The following NR2C2 variants were observed in gnomAD, a reference collection of about 807,000 sequenced individuals.
NR2C2 encodes the protein nuclear receptor subfamily 2 group C member 2.
Under a neutral mutation model 62.9 loss-of-function variants are expected in NR2C2, and 6 were observed. The observed-to-expected ratio is 0.10, with a 90% confidence interval of 0.05 to 0.19. NR2C2 has a LOEUF of 0.19. Ranked by LOEUF, NR2C2 falls within the 10% of genes least tolerant of loss-of-function variation. The probability of loss-of-function intolerance (pLI) is 1.00; values close to 1 mark genes in which losing one functional copy is unlikely to be tolerated. For missense variants in NR2C2, 479 were observed against 762.7 expected, an observed-to-expected ratio of 0.63 and a Z score of 4.38; for synonymous variants, 272 against 273.8, an observed-to-expected ratio of 0.99 and a Z score of 0.07.
chr3:15,025,795 G>A (rs1005457710), intron 7 of NR2C2: 1 of 152,136 alleles, frequency 6.6e-6, no homozygotes, highest in African/African-American at 2.4e-5. Flanking sequence ...GTATTGTTCT[G>A]TCTTTTTTAT....
At chr3:15,023,161 TTGTTTCTCTAAAC>T in intron 5 of NR2C2, 26 bp from the exon 6 acceptor site, 2 of 1,607,592 alleles carry the variant, frequency 1.2e-6, no homozygotes, top group Non-Finnish European at 1.7e-6. Context: ...TTGATTGGAA[TTGTTTCTCTAAAC>T]ACAAATATTT....
At position 15,048,726 on chromosome 3, in the gene NR2C2, C is replaced by T. The variant is rs180696818; in HGVS notation, c.*5718C>T. ...ATTTTTCTACAGTCTCTCTGTTCTA[C>T]GGATTATCTTGTAAACCAGTGTTCA... On this transcript the variant is annotated 3_prime_UTR_variant, in exon 14 of 14. Coordinates refer to ENST00000425241, the MANE Select transcript of NR2C2 (RefSeq NM_001291694.2). 128 of 152,744 alleles carry T rather than the reference C, an allele frequency of 8.4e-4. 2 individuals are homozygous for T. The highest frequency in any genetic ancestry group is 2.7e-3 in the African/African-American group (113 of 41,556). 9.5% of individuals were successfully genotyped at this position (152,744 alleles called of 1,614,324 possible).
intron 1 of NR2C2, among the ~76,000 whole-genome samples, chr3:14,957,070 A>G (rs976504109): frequency 6.6e-6 from 1 of 152,236 alleles, no homozygotes; most frequent in Non-Finnish European, 1.5e-5. Context: ...AATCTTCACT[A>G]TAACCTCATA....
chr3:15,039,997 A>T lies in NR2C2; in HGVS notation c.1616+770A>T, dbSNP rs189278675. On this transcript the variant is annotated intron_variant, in intron 13 of 13. Transcript: ENST00000425241. ...AACCCCGTCTCTACTAAAAATATTT[A>T]AAAAAAAATTAGCCAGGCACGGTGG... Among the ~76,000 whole-genome samples the T allele has an allele frequency of 6.2e-3, 925 of 149,930 alleles. 10 individuals carry two copies. The highest frequency in any genetic ancestry group is 0.02 in the African/African-American group (825 of 40,618).
chr3:14,997,738 A>G (rs909782169), intron 1 of NR2C2, among the ~76,000 whole-genome samples: 1 of 152,236 alleles, frequency 6.6e-6, no homozygotes, highest in African/African-American at 2.4e-5. Context: ...TGAAAGAAAA[A>G]AAAATTTAAT....
At chr3:14,994,159 T>A (rs1010989326) in intron 1 of NR2C2, among the ~76,000 whole-genome samples, 4 of 152,200 alleles carry the variant, frequency 2.6e-5, no homozygotes, top group Admixed American at 2.0e-4. Flanking sequence ...TTTAAATTTT[T>A]GTTTTTTTAT....
intron 1 of NR2C2, 140 bp from the exon 2 acceptor site, chr3:15,003,736 A>G: frequency 1.8e-6 from 1 of 559,532 alleles, no homozygotes; most frequent in Non-Finnish European, 3.2e-6. Flanking sequence ...TTGCTTTGTC[A>G]TCATCCTTCT....
chr3:15,005,491 A>G (rs2041146315), intron 2 of NR2C2, among the ~76,000 whole-genome samples: 1 of 140,844 alleles, frequency 7.1e-6, no homozygotes, highest in Admixed American at 7.4e-5. Flanking sequence ...TGCTGGGACT[A>G]CAGGTGTGAG....
intron 1 of NR2C2, among the ~76,000 whole-genome samples, chr3:14,963,635 T>C (rs1178078940): frequency 6.6e-6 from 1 of 152,048 alleles, no homozygotes; most frequent in East Asian, 1.9e-4. Context: ...CACGCCCGGC[T>C]AATTTTTTGT....
intron 1 of NR2C2, among the ~76,000 whole-genome samples, chr3:14,963,814 C>CTA (rs1377941835): frequency 1.3e-5 from 2 of 152,172 alleles, no homozygotes; most frequent in South Asian, 2.1e-4. Flanking sequence ...TAAACAAAAA[C>CTA]TAAGTATACA....
At chr3:14,969,335 TC>T (rs2125282327) in intron 1 of NR2C2, among the ~76,000 whole-genome samples, 1 of 150,574 alleles carries the variant, frequency 6.6e-6, no homozygotes, top group East Asian at 2.0e-4. Flanking sequence ...AACAACCACT[TC>T]CGTTCAAGCA....
chr3:14,989,637 A>G (rs920949637), intron 1 of NR2C2, among the ~76,000 whole-genome samples: 1 of 152,012 alleles, frequency 6.6e-6, no homozygotes, highest in African/African-American at 2.4e-5. Flanking sequence ...AAACTAAATT[A>G]AAGAAAAAAT....
intron 5 of NR2C2, among the ~76,000 whole-genome samples, chr3:15,022,367 G>A (rs776538375): frequency 6.6e-6 from 1 of 150,690 alleles, no homozygotes; most frequent in Non-Finnish European, 1.5e-5. Context: ...GGGCCCACTT[G>A]AAGGTGGGCA....
chr3:14,972,189 T>C (rs1328084508), intron 1 of NR2C2, among the ~76,000 whole-genome samples: 2 of 150,016 alleles, frequency 1.3e-5, no homozygotes, highest in Non-Finnish European at 1.5e-5. Context: ...TTTTTTTTTT[T>C]TCTGAGACAG....
Position 15,016,732 on chromosome 3 carries a change from C to T in NR2C2, c.376+478C>T, listed in dbSNP as rs1423749178. On this transcript the variant is annotated intron_variant, in intron 4 of 13. Transcript: ENST00000425241. The stretch of plus-strand genomic sequence containing the variant: ...TCAGGAAAGGCCCCACAGAGGCAGT[C>T]GCACCTGGGAGCCTTGGTAATTGTG... 9.2e-5 allele frequency among the ~76,000 whole-genome samples: 14 copies of T among 152,226 alleles called. No homozygotes were observed. In the South Asian group the frequency reaches 2.9e-3, roughly 32 times the overall value.
intron 1 of NR2C2, among the ~76,000 whole-genome samples, chr3:14,975,652 A>G (rs1285605225): frequency 6.6e-6 from 1 of 152,172 alleles, no homozygotes; most frequent in Non-Finnish European, 1.5e-5. Flanking sequence ...CATTGTCCAC[A>G]GGGAAGAGAA....
At position 15,047,021 on chromosome 3, in the gene NR2C2, G is replaced by A. The variant is rs1426772000; in HGVS notation, c.*4013G>A. ...CTGGGTCCCTTCAGCAGCATTGTGC[G>A]TGTACAGGTTTCTAGGCTGTAAGAC... On this transcript the variant is annotated 3_prime_UTR_variant, in exon 14 of 14. Coordinates refer to ENST00000425241, the MANE Select transcript of NR2C2 (RefSeq NM_001291694.2). 6.6e-6 allele frequency: 1 copy of A among 152,666 alleles called. No individual in the cohort carries two copies. The highest frequency in any genetic ancestry group is 1.5e-5 in the Non-Finnish European group (1 of 68,076). The allele number at this position is 152,666 out of a possible 1,614,324, so 9.5% of individuals were successfully genotyped here. A position where few individuals can be genotyped will look rare whatever the true frequency, so the allele number is the denominator to read the frequency against.
At chr3:14,951,083 C>T (rs1173621578) in intron 1 of NR2C2, among the ~76,000 whole-genome samples, 2 of 152,054 alleles carry the variant, frequency 1.3e-5, no homozygotes, top group African/African-American at 4.8e-5. Flanking sequence ...AATAAATAGC[C>T]CAAACATAAC....
intron 2 of NR2C2, among the ~76,000 whole-genome samples, chr3:15,013,059 G>A (rs2041400619): frequency 6.6e-6 from 1 of 152,194 alleles, no homozygotes; most frequent in African/African-American, 2.4e-5. Context: ...AGACCTCAGA[G>A]TCAGGAAGTG....
Sources: gnomAD v4.1 joint callset for allele counts (sites outside exome capture counted in the v4.1 genomes callset) on GRCh38, gnomAD v4.1.1 for gene constraint, MANE v1.5 for transcripts, NCBI Gene and HGNC (gene_info 2026-07-23, HGNC 2026-07-21) for gene names.